PTGIS: variants seen among roughly 807,000 people sequenced by gnomAD.
PTGIS encodes the protein prostacyclin synthase.
Under a neutral mutation model 50.3 loss-of-function variants are expected in PTGIS, and 45 were observed. The observed-to-expected ratio is 0.90, with a 90% CI of 0.70 to 1.15. PTGIS has a LOEUF of 1.15. Among genes scored for constraint, PTGIS ranks in the 50% most tolerant of loss-of-function variants. The pLI is 0.00. For synonymous variants in PTGIS, 260 were observed against 267.7 expected (o/e 0.97, Z 0.28); for missense variants, 668 against 661.3 (o/e 1.01, Z -0.11).
intron 5 of PTGIS, among the ~76,000 whole-genome samples, chr20:49,536,454 T>TTTTCTTTCTTTCTTTCTTTCTTTC (rs1159152340): frequency 8.4e-5 from 12 of 142,214 alleles, no homozygotes; most frequent in African/African-American, 2.9e-4. Flanking sequence ...TCTTTTTTTC[T>TTTTCTTTCTTTCTTTCTTTCTTTC]TTTCTTTCTT....
intron 8 of PTGIS, among the ~76,000 whole-genome samples, chr20:49,511,644 AAG>A (rs1981323248): frequency 6.6e-6 from 1 of 152,274 alleles, no homozygotes; most frequent in South Asian, 2.1e-4. Flanking sequence ...TGTAAAATAA[AAG>A]AAATTAAAAT....
chr20:49,514,510 G>C, intron 6 of PTGIS, 115 bp from the exon 7 acceptor site: 1 of 1,242,594 alleles, frequency 8.0e-7, no homozygotes, highest in Non-Finnish European at 1.1e-6. Flanking sequence ...TCCCACTGCT[G>C]CCAAACACCC....
intron 8 of PTGIS, among the ~76,000 whole-genome samples, chr20:49,512,850 A>G (rs1404075075): frequency 6.6e-6 from 1 of 151,754 alleles, no homozygotes; most frequent in Admixed American, 6.6e-5. Context: ...GGCCATCAAT[A>G]TCTGCTTATG....
chr20:49,545,406 T>G (rs1601197476), intron 3 of PTGIS, among the ~76,000 whole-genome samples: 1 of 147,790 alleles, frequency 6.8e-6, no homozygotes, highest in Non-Finnish European at 1.5e-5. Context: ...GGCAACAGAG[T>G]GAGACTCTGT....
chr20:49,564,621 G>A (rs939867843), intron 1 of PTGIS, among the ~76,000 whole-genome samples: 2 of 152,194 alleles, frequency 1.3e-5, no homozygotes, highest in East Asian at 1.9e-4. Flanking sequence ...GCTTCTTACC[G>A]TATTCTTTTT....
rs1418100649 is a variant in PTGIS, at chr20:49,507,530, A to G, written c.*390T>C. 3 of 342,450 alleles carry G rather than the reference A, an allele frequency of 8.8e-6. No individual in the cohort carries two copies. Among genetic ancestry groups the G allele is most frequent in the South Asian group, 5.0e-5 (2 of 39,706 alleles). 21.2% of individuals were successfully genotyped at this position (342,450 alleles called of 1,614,324 possible). On this transcript the variant is annotated 3_prime_UTR_variant, in exon 10 of 10. Coordinates refer to ENST00000244043, the MANE Select transcript of PTGIS (RefSeq NM_000961.4). ...TGGCCAGCATCCGCTTTGACTGGAT[A>G]AGGCCCGGGCCATGCTAGCTCATAA...
chr20:49,562,973 A>G (rs989679171), intron 1 of PTGIS, among the ~76,000 whole-genome samples: 13 of 152,184 alleles, frequency 8.5e-5, no homozygotes, highest in African/African-American at 3.1e-4. Flanking sequence ...TCGGTGCTCA[A>G]TGGGCAGCAC....
rs967489527 is a variant in PTGIS, at chr20:49,544,448, C to T, written c.378G>A (p.Leu126=). The T allele has an allele frequency of 3.1e-6, 5 of 1,614,064 alleles. No homozygotes were observed. The highest frequency in any genetic ancestry group is 4.2e-6 in the Non-Finnish European group (5 of 1,180,010). ...CCTGGAGCTCTCTGTGGAGAAGAGT[C>T]CTGAGGCAGGAAACAAAAGCATGAA... ...SPSDEKARMK[L]TLLHRELQAL... Residue 126 remains leucine, a splice_region_variant and synonymous_variant, in exon 4 of 10, where the codon CTG becomes CTA. Transcript: ENST00000244043.
At chr20:49,533,240 T>A (rs1291792117) in intron 5 of PTGIS, among the ~76,000 whole-genome samples, 2 of 152,160 alleles carry the variant, frequency 1.3e-5, no homozygotes, top group African/African-American at 4.8e-5. Flanking sequence ...GTCTTTAAAG[T>A]CTTGTGTTTT....
chr20:49,514,161 G>A (rs1981404885), intron 7 of PTGIS, 66 bp downstream of exon 7: 3 of 1,586,958 alleles, frequency 1.9e-6, no homozygotes, highest in Admixed American at 1.7e-5. Context: ...TCCATGTTGG[G>A]GAGGGCTTTG....
chr20:49,521,762 G>A (rs1981658083), intron 6 of PTGIS, among the ~76,000 whole-genome samples: 1 of 152,118 alleles, frequency 6.6e-6, no homozygotes, highest in African/African-American at 2.4e-5. Flanking sequence ...AACTGTCACC[G>A]TCGAAGTGGG....
rs1321215036 is a variant in PTGIS at position 49,540,629 on chromosome 20, A to G, written c.522-908T>C. Among the ~76,000 whole-genome samples the G allele has an allele frequency of 6.6e-6, 1 of 152,114 alleles. No individual in the cohort carries two copies. The highest frequency in any genetic ancestry group is 1.5e-5 in the Non-Finnish European group (1 of 68,000). The stretch of plus-strand genomic sequence containing the variant: ...AAAAGGGTAAGACATGGGAGCTAGC[A>G]TGAGCTCTCATGTGCTCTCACTGAG... On this transcript the variant is annotated intron_variant, in intron 4 of 9. Transcript: ENST00000244043. The surrounding 1 kb of genome is among the most constrained non-coding windows in gnomAD (Gnocchi z 4.8).
At position 49,511,275 on chromosome 20, in the gene PTGIS, A is replaced by C. The variant is rs1188231002; in HGVS notation, c.1207-96T>G. 2.0e-6 allele frequency: 3 copies of C among 1,474,822 alleles called. No individual in the cohort carries two copies. In the African/African-American group the frequency reaches 4.2e-5, roughly 21 times the overall value. 91.4% of individuals were successfully genotyped at this position (1,474,822 alleles called of 1,614,324 possible). ...GATGTTCATGACAGTCATGTTTATA[A>C]GAGGGAAAAACTGGAAACCATATAC... is the stretch of plus-strand genomic sequence containing the variant. On this transcript the variant is annotated intron_variant, in intron 8 of 9. Coordinates refer to ENST00000244043, the MANE Select transcript of PTGIS (RefSeq NM_000961.4).
intron 5 of PTGIS, among the ~76,000 whole-genome samples, chr20:49,538,887 G>A (rs1982151178): frequency 6.6e-6 from 1 of 151,890 alleles, no homozygotes; most frequent in Admixed American, 6.6e-5. Flanking sequence ...TCACCATGTT[G>A]ACCAGGCTGA....
Position 49,507,790 on chromosome 20 carries a change from G to T in PTGIS, c.*130C>A. On this transcript the variant is annotated 3_prime_UTR_variant, in exon 10 of 10. Coordinates refer to ENST00000244043, the MANE Select transcript of PTGIS (RefSeq NM_000961.4). ...CCCTCCCCTGGACCCAGCCTTCTGG[G>T]AGAAAAGCAGGGAAGTGGTAATGCT... 7.8e-7 allele frequency: 1 copy of T among 1,282,432 alleles called. No homozygotes were observed. Among genetic ancestry groups the T allele is most frequent in the South Asian group, 1.3e-5 (1 of 79,338 alleles). The allele number at this position is 1,282,432 out of a possible 1,614,324, so 79.4% of individuals were successfully genotyped here.
At chr20:49,541,454 G>A (rs1254487923) in intron 4 of PTGIS, among the ~76,000 whole-genome samples, 1 of 152,166 alleles carries the variant, frequency 6.6e-6, no homozygotes, top group African/African-American at 2.4e-5. Flanking sequence ...TAAACCGGCC[G>A]GGAGAGGTGG....
chr20:49,564,972 CT>C (rs397864477), intron 1 of PTGIS, among the ~76,000 whole-genome samples: 9,900 of 135,990 alleles, frequency 0.073, 206 homozygotes, highest in Middle Eastern at 0.13. Flanking sequence ...CTTGTTTGCC[CT>C]TTTTTTTTTT....
At position 49,516,960 on chromosome 20, in the gene PTGIS, T is replaced by C. The variant is rs561303452; in HGVS notation, c.856-2565A>G. On this transcript the variant is annotated intron_variant, in intron 6 of 9. Coordinates refer to ENST00000244043, the MANE Select transcript of PTGIS (RefSeq NM_000961.4). Reference sequence around the variant, plus strand: ...ATCCCAGCTCCCCACTTTCTGTGACTGTGGACAAGTCACGTCCCCCTTTGG... The same window carrying C: ...ATCCCAGCTCCCCACTTTCTGTGACCGTGGACAAGTCACGTCCCCCTTTGG... 3.3e-5 allele frequency among the ~76,000 whole-genome samples: 5 copies of C among 152,332 alleles called. No individual in the cohort carries two copies. In the East Asian group the frequency reaches 9.7e-4, roughly 29 times the overall value.
chr20:49,535,484 T>C (rs1004155057), intron 5 of PTGIS, among the ~76,000 whole-genome samples: 5 of 152,144 alleles, frequency 3.3e-5, no homozygotes, highest in Non-Finnish European at 5.9e-5. Flanking sequence ...GAAACAGCCA[T>C]GTGAGGGCTA....
Sources: allele counts gnomAD v4.1 joint callset (sites outside exome capture counted in the v4.1 genomes callset), GRCh38; gene constraint gnomAD v4.1.1; non-coding constraint Gnocchi (gnomAD v3.1); transcripts MANE v1.5; gene names NCBI Gene and HGNC (gene_info 2026-07-23, HGNC 2026-07-21).